The following ANKS1B variants were observed in gnomAD, a reference collection of about 807,000 sequenced individuals.
ANKS1B encodes the protein ankyrin repeat and sterile alpha motif domain containing 1B, also known as ankyrin repeat and sterile alpha motif domain-containing protein 1B.
ANKS1B carries 36 observed loss-of-function variants against 148.3 expected under a neutral mutation model. The observed-to-expected ratio is 0.24, with a 90% confidence interval of 0.19 to 0.32. The LOEUF is 0.32. Among genes scored for constraint, ANKS1B ranks in the 10% least tolerant of loss-of-function variants. The pLI, the probability that ANKS1B is intolerant of heterozygous loss-of-function variation, is 1.00. For missense variants in ANKS1B, 1,157 were observed against 1,542.6 expected, an observed-to-expected ratio of 0.75 and a Z score of 4.19; for synonymous variants, 542 against 560.8, an observed-to-expected ratio of 0.97 and a Z score of 0.47.
intron 9 of ANKS1B, among the ~76,000 whole-genome samples, chr12:99,521,091 G>A (rs527794572): frequency 1.3e-5 from 2 of 152,126 alleles, no homozygotes; most frequent in South Asian, 4.1e-4. Flanking sequence ...CACTGTTCCT[G>A]GTCTGACTGT....
chr12:99,831,771 A>C (rs827797), intron 1 of ANKS1B, among the ~76,000 whole-genome samples: 1 of 151,984 alleles, frequency 6.6e-6, no homozygotes, highest in African/African-American at 2.4e-5. Flanking sequence ...GTCTACCAAC[A>C]GAGTAGCCAG....
chr12:99,338,391 G>T (rs1041995373), intron 12 of ANKS1B, among the ~76,000 whole-genome samples: 2 of 152,154 alleles, frequency 1.3e-5, no homozygotes, highest in African/African-American at 4.8e-5. Flanking sequence ...TGTGGTGAAT[G>T]CTGCCAGGCC....
intron 17 of ANKS1B, among the ~76,000 whole-genome samples, chr12:99,047,631 C>T (rs570825634): frequency 5.3e-5 from 8 of 152,158 alleles, no homozygotes; most frequent in South Asian, 2.1e-4. Flanking sequence ...AACAAAATGG[C>T]GGCAGGTTTC....
chr12:99,038,944 ATATTACAGACT>A (rs2099957202), intron 17 of ANKS1B, among the ~76,000 whole-genome samples: 1 of 152,210 alleles, frequency 6.6e-6, no homozygotes, highest in African/African-American at 2.4e-5. Flanking sequence ...AGCTGATATC[ATATTACAGACT>A]TATCTGTTAC....
chr12:99,436,042 T>C (rs2095455584), intron 11 of ANKS1B, among the ~76,000 whole-genome samples: 1 of 152,050 alleles, frequency 6.6e-6, no homozygotes, highest in Admixed American at 6.6e-5. Context: ...TTTCTGTTTT[T>C]AGCCTTCTCT....
At position 99,825,263 on chromosome 12, in the gene ANKS1B, C is replaced by T. The variant is rs770541763; in HGVS notation, c.215+46G>A. The T allele has an allele frequency of 3.4e-6, 5 of 1,488,466 alleles. No homozygotes were observed. In the East Asian group the frequency reaches 1.2e-4, roughly 34 times the overall value. The allele number at this position is 1,488,466 out of a possible 1,614,324, so 92.2% of individuals were successfully genotyped here. ...CGTCAAGACATAATTAACTTCATCA[C>T]ATGTAACTAAATACACACGATTCCG... On this transcript the variant is annotated intron_variant, in intron 2 of 26. Transcript: ENST00000683438.
intron 16 of ANKS1B, among the ~76,000 whole-genome samples, chr12:99,073,273 C>T (rs920729700): frequency 1.3e-5 from 2 of 152,160 alleles, no homozygotes; most frequent in South Asian, 4.1e-4. Context: ...GATTCAAACT[C>T]GGATAGTCTG....
intron 9 of ANKS1B, among the ~76,000 whole-genome samples, chr12:99,567,222 G>C (rs747148032): frequency 4.6e-5 from 7 of 152,066 alleles, no homozygotes; most frequent in Non-Finnish European, 8.8e-5. Context: ...TCTCTCCATA[G>C]GCAGTTTACA....
chr12:99,366,717 A>C (rs1228843432), intron 12 of ANKS1B, among the ~76,000 whole-genome samples: 1 of 152,240 alleles, frequency 6.6e-6, no homozygotes, highest in Non-Finnish European at 1.5e-5. Context: ...TAAATGTAAA[A>C]AATAAAACCA....
chr12:98,901,000 T>G (rs917353680), intron 17 of ANKS1B, among the ~76,000 whole-genome samples: 1 of 152,208 alleles, frequency 6.6e-6, no homozygotes, highest in African/African-American at 2.4e-5. Flanking sequence ...TCACAGTAAC[T>G]TTGCTTCCAC....
chr12:98,974,701 G>A (rs61932230), intron 17 of ANKS1B, among the ~76,000 whole-genome samples: 25,219 of 152,086 alleles, frequency 0.17, 2,289 homozygotes, highest in South Asian at 0.3. Flanking sequence ...GTCCAGGTAG[G>A]CCTCGTAGAC....
intron 9 of ANKS1B, among the ~76,000 whole-genome samples, chr12:99,548,083 G>T (rs2097187012): frequency 6.6e-6 from 1 of 152,142 alleles, no homozygotes; most frequent in Non-Finnish European, 1.5e-5. Flanking sequence ...CAGTTGTGCT[G>T]CCCATTACAG....
chr12:99,206,909 A>G (rs1422772754), intron 14 of ANKS1B, among the ~76,000 whole-genome samples: 2 of 152,200 alleles, frequency 1.3e-5, no homozygotes, highest in Admixed American at 1.3e-4. Flanking sequence ...AGTGAGAGAG[A>G]GTACTGGTCT....
chr12:99,434,914 C>G (rs1256229187), intron 11 of ANKS1B, among the ~76,000 whole-genome samples: 1 of 151,960 alleles, frequency 6.6e-6, no homozygotes, highest in Non-Finnish European at 1.5e-5. Context: ...TTAATACAGT[C>G]TTGCTATTAC....
rs143027566 is a variant in ANKS1B at position 99,436,573 on chromosome 12, T to C, written c.1575+7100A>G. ...ATTTCTAATTTTAAAATTTAGCATA[T>C]GTATTCTATAACCCCACAGTGCCCA... On this transcript the variant is annotated intron_variant, in intron 11 of 26. Coordinates refer to ENST00000683438, the MANE Select transcript of ANKS1B (RefSeq NM_001352186.2). Among the ~76,000 whole-genome samples, 15 of 152,208 alleles carry C rather than the reference T, an allele frequency of 9.9e-5. No homozygotes were observed. The East Asian group carries it at 1.7e-3, about 18-fold the overall frequency.
chr12:99,816,668 G>T (rs1217907949), intron 2 of ANKS1B, among the ~76,000 whole-genome samples: 1 of 151,676 alleles, frequency 6.6e-6, no homozygotes, highest in African/African-American at 2.4e-5. Flanking sequence ...ATATAAAGTT[G>T]TATCCCTGAT....
intron 12 of ANKS1B, among the ~76,000 whole-genome samples, chr12:99,310,989 T>C (rs1029749665): frequency 6.6e-6 from 1 of 152,166 alleles, no homozygotes; most frequent in Non-Finnish European, 1.5e-5. Context: ...AATGGAACTT[T>C]GTGAGAATTA....
At chr12:98,928,658 C>T (rs1040812138) in intron 17 of ANKS1B, among the ~76,000 whole-genome samples, 5 of 151,808 alleles carry the variant, frequency 3.3e-5, no homozygotes, top group African/African-American at 9.7e-5. Flanking sequence ...CAATGCAATA[C>T]TTTAAATTAA....
intron 9 of ANKS1B, among the ~76,000 whole-genome samples, chr12:99,613,572 G>A (rs539261910): frequency 1.3e-5 from 2 of 151,996 alleles, no homozygotes; most frequent in East Asian, 3.9e-4. Flanking sequence ...TGGAGGTGGA[G>A]GCCATTATCC....
Sources: gnomAD v4.1 joint callset for allele counts (sites outside exome capture counted in the v4.1 genomes callset) on GRCh38, gnomAD v4.1.1 for gene constraint, MANE v1.5 for transcripts, NCBI Gene and HGNC (gene_info 2026-07-23, HGNC 2026-07-21) for gene names.